Variants in CNTNAP2 observed in about 807,000 individuals in gnomAD.
CNTNAP2 encodes contactin associated protein 2, also known as contactin-associated protein-like 2.
A neutral mutation model predicts 155.2 loss-of-function variants in CNTNAP2; 98 were observed. The ratio of observed to expected loss-of-function variants is 0.63; its 90% confidence interval spans 0.54 to 0.75. The LOEUF (loss-of-function observed/expected upper bound fraction) is 0.75, where lower values mean the gene tolerates loss of function less well. Ranked by LOEUF, CNTNAP2 falls within the 30% of genes least tolerant of loss-of-function variation. The pLI is 0.00. For missense variants in CNTNAP2, 1,727 were observed against 1,688.1 expected, an observed-to-expected ratio of 1.02 and a Z score of -0.40; for synonymous variants, 651 against 631.2, an observed-to-expected ratio of 1.03 and a Z score of -0.47.
intron 1 of CNTNAP2, among the ~76,000 whole-genome samples, chr7:146,145,336 C>T (rs1271040880): frequency 6.6e-6 from 1 of 152,192 alleles, no homozygotes; most frequent in East Asian, 1.9e-4. Flanking sequence ...GGCACCTGGC[C>T]TCTCTTACTT....
At chr7:147,332,991 G>A (rs1795599146) in intron 9 of CNTNAP2, among the ~76,000 whole-genome samples, 1 of 152,172 alleles carries the variant, frequency 6.6e-6, no homozygotes, top group African/African-American at 2.4e-5. Flanking sequence ...AGGGCCTCCT[G>A]CACAGTCTTT....
At chr7:148,265,898 C>A (rs960353879) in intron 20 of CNTNAP2, among the ~76,000 whole-genome samples, 1 of 152,184 alleles carries the variant, frequency 6.6e-6, no homozygotes, top group African/African-American at 2.4e-5. Context: ...CATTTGATCA[C>A]TTGCCTGCCC....
At chr7:148,131,128 CT>C (rs1563209406) in intron 16 of CNTNAP2, among the ~76,000 whole-genome samples, 1 of 110,450 alleles carries the variant, frequency 9.1e-6, no homozygotes. Flanking sequence ...CAGAGTCTCT[CT>C]CTGTTGCCCA....
intron 1 of CNTNAP2, among the ~76,000 whole-genome samples, chr7:146,532,256 G>T (rs1382809811): frequency 6.6e-6 from 1 of 152,068 alleles, no homozygotes; most frequent in African/African-American, 2.4e-5. Context: ...CAGAATTTAT[G>T]ATTGTAGTAT....
chr7:147,546,230 A>G (rs1468617732), intron 11 of CNTNAP2, among the ~76,000 whole-genome samples: 1 of 152,204 alleles, frequency 6.6e-6, no homozygotes, highest in African/African-American at 2.4e-5. Flanking sequence ...GGTATGATTC[A>G]TTAAAGAACA....
chr7:147,834,701 A>G (rs1252716637), intron 13 of CNTNAP2, among the ~76,000 whole-genome samples: 2 of 152,160 alleles, frequency 1.3e-5, no homozygotes, highest in African/African-American at 4.8e-5. Flanking sequence ...CACTTTCAAT[A>G]GAAAACCTAA....
intron 8 of CNTNAP2, among the ~76,000 whole-genome samples, chr7:147,235,510 G>C (rs1181568472): frequency 6.6e-6 from 1 of 152,116 alleles, no homozygotes; most frequent in Non-Finnish European, 1.5e-5. Flanking sequence ...TAGTATTTTT[G>C]TGGAGGTACT....
chr7:146,624,661 A>C (rs564628092), intron 1 of CNTNAP2, among the ~76,000 whole-genome samples: 2 of 151,932 alleles, frequency 1.3e-5, no homozygotes. Flanking sequence ...ATACAGTAGC[A>C]TGAGTCCTTC....
At chr7:146,884,137 C>T (rs1309739946) in intron 3 of CNTNAP2, among the ~76,000 whole-genome samples, 2 of 152,042 alleles carry the variant, frequency 1.3e-5, no homozygotes, top group Non-Finnish European at 2.9e-5. Flanking sequence ...ATACCAAAAC[C>T]CAAATATTCA....
At chr7:148,410,297 C>T (rs1211057101) in intron 23 of CNTNAP2, among the ~76,000 whole-genome samples, 1 of 151,926 alleles carries the variant, frequency 6.6e-6, no homozygotes, top group Non-Finnish European at 1.5e-5. Context: ...ATGCTGGGTG[C>T]AGTGACTTAC....
intron 16 of CNTNAP2, among the ~76,000 whole-genome samples, chr7:148,132,001 A>G (rs1804841208): frequency 6.6e-6 from 1 of 152,230 alleles, no homozygotes; most frequent in South Asian, 2.1e-4. Context: ...AGGTTTCTAT[A>G]AGCTATCAAA....
chr7:148,252,857 A>G (rs1796387847), intron 20 of CNTNAP2, among the ~76,000 whole-genome samples: 1 of 152,066 alleles, frequency 6.6e-6, no homozygotes, highest in African/African-American at 2.4e-5. Context: ...TTCCCAAAAC[A>G]GGGTCCAAGC....
chr7:148,302,543 C>T lies in CNTNAP2; in HGVS notation c.3475+35417C>T, dbSNP rs149755033. Reference sequence around the variant, plus strand: ...CTGTGTCCCCACCCAAATCTCATCTCGAACTGTAATCCCCATGTGTCAAGG... The same window carrying T: ...CTGTGTCCCCACCCAAATCTCATCTTGAACTGTAATCCCCATGTGTCAAGG... On this transcript the variant is annotated intron_variant, in intron 21 of 23. Coordinates refer to ENST00000361727, the MANE Select transcript of CNTNAP2 (RefSeq NM_014141.6). Among the ~76,000 whole-genome samples the T allele has an allele frequency of 7.4e-3, 1,125 of 152,180 alleles. 12 individuals are homozygous for T. Among genetic ancestry groups the T allele is most frequent in the African/African-American group, 0.026 (1,090 of 41,528 alleles).
intron 8 of CNTNAP2, among the ~76,000 whole-genome samples, chr7:147,190,866 A>G (rs1802666002): frequency 6.6e-6 from 1 of 152,178 alleles, no homozygotes; most frequent in African/African-American, 2.4e-5. Flanking sequence ...ATGTTAACTG[A>G]ACCGATCTCA....
intron 1 of CNTNAP2, among the ~76,000 whole-genome samples, chr7:146,589,461 A>T (rs1030776326): frequency 2.2e-4 from 33 of 152,182 alleles, no homozygotes; most frequent in Non-Finnish European, 3.7e-4. Context: ...GACATGGAAG[A>T]AGCTGCAAAC....
rs185214578 is a variant in CNTNAP2 at position 147,657,452 on chromosome 7, A to T, written c.2098+18146A>T. 3.1e-3 allele frequency among the ~76,000 whole-genome samples: 472 copies of T among 151,642 alleles called. 3 individuals carry two copies. The highest frequency in any genetic ancestry group is 0.011 in the African/African-American group (453 of 40,912). On this transcript the variant is annotated intron_variant, in intron 13 of 23. Coordinates refer to ENST00000361727, the MANE Select transcript of CNTNAP2 (RefSeq NM_014141.6). ...GTAACATAGACTAAATGTAAATTTT[A>T]AAAAATGATCTGAGGTGAGAATGTT...
chr7:146,968,184 T>G (rs1349548611), intron 3 of CNTNAP2, among the ~76,000 whole-genome samples: 2 of 151,766 alleles, frequency 1.3e-5, no homozygotes, highest in African/African-American at 2.4e-5. Context: ...TGGATAAGCT[T>G]TTTGATGTGC....
intron 8 of CNTNAP2, among the ~76,000 whole-genome samples, chr7:147,277,744 A>G (rs1249273385): frequency 6.6e-6 from 1 of 151,550 alleles, no homozygotes; most frequent in South Asian, 2.1e-4. Flanking sequence ...TCTTCCGTCT[A>G]TAAAGTTCTT....
chr7:147,027,018 C>G (rs374494097), intron 3 of CNTNAP2, among the ~76,000 whole-genome samples: 4 of 101,438 alleles, frequency 3.9e-5, no homozygotes, highest in African/African-American at 1.4e-4. Context: ...AAAAAAAAAA[C>G]AAAAAAAAGA....
Sources: gnomAD v4.1 joint callset for allele counts (sites outside exome capture counted in the v4.1 genomes callset) on GRCh38, gnomAD v4.1.1 for gene constraint, MANE v1.5 for transcripts, NCBI Gene and HGNC (gene_info 2026-07-23, HGNC 2026-07-21) for gene names.